ANKFN1: variants seen among roughly 807,000 people sequenced by gnomAD.
ANKFN1 encodes ankyrin repeat and fibronectin type-III domain-containing protein 1.
In ANKFN1, 74 loss-of-function variants were observed where a neutral mutation model predicts 108.7. The observed-to-expected ratio is 0.68, with a 90% CI of 0.56 to 0.83. The LOEUF (loss-of-function observed/expected upper bound fraction) is 0.83, where lower values mean the gene tolerates loss of function less well. ANKFN1 is among the 40% of genes least tolerant of loss of function. The pLI is 0.00. For missense variants in ANKFN1, 1,505 were observed against 1,382.3 expected (o/e 1.09, Z -1.41); for synonymous variants, 547 against 516.2 (o/e 1.06, Z -0.81).
chr17:56,376,415 C>T (rs977460751), intron 8 of ANKFN1, among the ~76,000 whole-genome samples: 15 of 152,170 alleles, frequency 9.9e-5, no homozygotes, highest in African/African-American at 3.6e-4. Flanking sequence ...CCCCCACAGC[C>T]ATCCTTTGAA....
chr17:56,306,331 C>T (rs958436320), intron 3 of ANKFN1, among the ~76,000 whole-genome samples: 7 of 152,126 alleles, frequency 4.6e-5, no homozygotes, highest in African/African-American at 1.7e-4. Context: ...TTTTTTTCCA[C>T]TAGCATTTTG....
rs1386878612 is a variant in ANKFN1, at chr17:56,491,727, T to G, written c.2261-460T>G. 2.6e-5 allele frequency among the ~76,000 whole-genome samples: 4 copies of G among 152,196 alleles called. 1 individual carries two copies. The highest frequency in any genetic ancestry group is 2.0e-4 in the Admixed American group (3 of 15,278). ...GACACTCTGAGAAAAGCATGTCTTCTGTCTTCTGGGGGTTCTGGCCTTGGA... is the reference window on the plus strand; with the variant it reads ...GACACTCTGAGAAAAGCATGTCTTCGGTCTTCTGGGGGTTCTGGCCTTGGA... On this transcript the variant is annotated intron_variant, in intron 18 of 20. Transcript: ENST00000682825.
At chr17:56,283,188 G>T (rs2044129563) in intron 3 of ANKFN1, among the ~76,000 whole-genome samples, 1 of 152,116 alleles carries the variant, frequency 6.6e-6, no homozygotes, top group African/African-American at 2.4e-5. Context: ...ACTTATAAGT[G>T]AGAACATGCA....
intron 4 of ANKFN1, among the ~76,000 whole-genome samples, chr17:56,330,890 G>T (rs1258917383): frequency 6.6e-6 from 1 of 152,084 alleles, no homozygotes; most frequent in Non-Finnish European, 1.5e-5. Flanking sequence ...TCTTGCCAAG[G>T]AGTTACTGCT....
chr17:56,506,958 T>C (rs9902334), intron 20 of ANKFN1, among the ~76,000 whole-genome samples: 133,509 of 152,182 alleles, frequency 0.88, 58,672 homozygotes, highest in East Asian at 0.97. Flanking sequence ...AAATAAAGCA[T>C]TCAGAGTTCT....
intron 18 of ANKFN1, among the ~76,000 whole-genome samples, chr17:56,491,193 A>G (rs944002847): frequency 6.6e-6 from 1 of 152,164 alleles, no homozygotes; most frequent in Non-Finnish European, 1.5e-5. Flanking sequence ...CCAGAATAAA[A>G]ATGTTTCAAC....
chr17:56,429,294 C>A (rs1242354174), intron 8 of ANKFN1, among the ~76,000 whole-genome samples: 1 of 152,106 alleles, frequency 6.6e-6, no homozygotes, highest in Non-Finnish European at 1.5e-5. Flanking sequence ...ATGGATAGAA[C>A]GGTAGAAGGG....
intron 8 of ANKFN1, among the ~76,000 whole-genome samples, chr17:56,383,190 C>T (rs554992625): frequency 1.3e-3 from 204 of 152,248 alleles, no homozygotes; most frequent in African/African-American, 4.3e-3. Flanking sequence ...CAAAACCAGA[C>T]AACTACATGG....
At position 56,091,156 on chromosome 17, in the gene ANKFN1, A is replaced by T. The variant is rs116045875; in HGVS notation, c.288+44831A>T. On this transcript the variant is annotated intron_variant, in intron 4 of 12. Transcript: ENST00000635860. ...ATAAGTAGAATATTCTGAATTCTGT[A>T]GAGAATGGTAGAACGTGAAAGAGAG... Among the ~76,000 whole-genome samples, 213 of 151,274 alleles carry T rather than the reference A, an allele frequency of 1.4e-3. 2 individuals carry two copies. Among genetic ancestry groups the T allele is most frequent in the African/African-American group, 4.9e-3 (203 of 41,270 alleles).
intron 8 of ANKFN1, among the ~76,000 whole-genome samples, chr17:56,429,219 G>T (rs1437662929): frequency 2.0e-5 from 3 of 152,128 alleles, no homozygotes; most frequent in Non-Finnish European, 4.4e-5. Flanking sequence ...TAGGGGAGAG[G>T]CATAAATGGG....
chr17:56,374,543 A>G (rs2046894547), intron 7 of ANKFN1, 58 bp from the exon 8 acceptor site: 11 of 1,231,278 alleles, frequency 8.9e-6, no homozygotes, highest in Non-Finnish European at 1.3e-5. Flanking sequence ...AGAGGGAGGA[A>G]CGTTGTTTGA....
At chr17:56,200,218 A>G (rs1409760191) in intron 1 of ANKFN1, among the ~76,000 whole-genome samples, 1 of 152,352 alleles carries the variant, frequency 6.6e-6, no homozygotes, top group Non-Finnish European at 1.5e-5. Flanking sequence ...AGAAAAGTAC[A>G]GCCAGTTTTT....
At chr17:56,353,479 T>A (rs2046298745) in intron 5 of ANKFN1, among the ~76,000 whole-genome samples, 1 of 152,172 alleles carries the variant, frequency 6.6e-6, no homozygotes, top group African/African-American at 2.4e-5. Flanking sequence ...TCAAGTGATC[T>A]GCCCACCTTG....
intron 10 of ANKFN1, among the ~76,000 whole-genome samples, chr17:56,445,666 A>C (rs1360565471): frequency 6.6e-6 from 1 of 152,228 alleles, no homozygotes; most frequent in African/African-American, 2.4e-5. Flanking sequence ...AATGTATTCT[A>C]ACATGACAGG....
intron 4 of ANKFN1, among the ~76,000 whole-genome samples, chr17:56,139,586 A>G (rs1907796477): frequency 6.6e-6 from 1 of 152,188 alleles, no homozygotes; most frequent in African/African-American, 2.4e-5. Flanking sequence ...AGACAGAGGA[A>G]AGTGATAGAA....
intron 3 of ANKFN1, among the ~76,000 whole-genome samples, chr17:56,234,650 G>A (rs1306686111): frequency 6.6e-6 from 1 of 152,016 alleles, no homozygotes; most frequent in African/African-American, 2.4e-5. Context: ...ATAATCTTCA[G>A]CTCCATCCAT....
At chr17:56,131,312 A>G (rs1409340786) in intron 4 of ANKFN1, among the ~76,000 whole-genome samples, 1 of 152,178 alleles carries the variant, frequency 6.6e-6, no homozygotes, top group African/African-American at 2.4e-5. Context: ...TAAATGGAGA[A>G]TATTCAGGAG....
At chr17:56,201,680 A>G (rs1042185572) in intron 1 of ANKFN1, among the ~76,000 whole-genome samples, 2 of 152,178 alleles carry the variant, frequency 1.3e-5, no homozygotes, top group African/African-American at 2.4e-5. Flanking sequence ...TGAAAAAAAA[A>G]AAAATTAGCT....
rs532993915 is a variant in ANKFN1 at position 56,279,992 on chromosome 17, G to T, written c.54-46229G>T. On this transcript the variant is annotated intron_variant, in intron 3 of 20. Transcript: ENST00000682825. The stretch of plus-strand genomic sequence containing the variant: ...CAATTAAATCAGAATATTTCAGGTT[G>T]GGAGCCACATAATGTCTTTTTTTTT... Among the ~76,000 whole-genome samples, 191 of 148,906 alleles carry T rather than the reference G, an allele frequency of 1.3e-3. 1 individual carries two copies. The highest frequency in any genetic ancestry group is 3.6e-3 in the Admixed American group (55 of 15,104).
Sources: gnomAD v4.1 joint callset for allele counts (sites outside exome capture counted in the v4.1 genomes callset) on GRCh38, gnomAD v4.1.1 for gene constraint, MANE v1.5 for transcripts, NCBI Gene and HGNC (gene_info 2026-07-23, HGNC 2026-07-21) for gene names.